The following DLX2 variants were observed in gnomAD, a reference collection of about 807,000 sequenced individuals.
DLX2 encodes the protein distal-less homeobox 2.
DLX2 carries 8 observed loss-of-function variants against 27.4 expected under a neutral mutation model. The observed-to-expected ratio is 0.29, with a 90% CI of 0.17 to 0.53. The LOEUF (loss-of-function observed/expected upper bound fraction) is 0.53, where lower values mean the gene tolerates loss of function less well. Among genes scored for constraint, DLX2 ranks in the 20% least tolerant of loss-of-function variants. The pLI is 0.96. For synonymous variants in DLX2, 210 were observed against 200.8 expected (o/e 1.05, Z -0.39); for missense variants, 421 against 450.9 (o/e 0.93, Z 0.60).
chr2:172,102,599 T>C lies in DLX2; in HGVS notation c.-61A>G. On this transcript the variant is annotated 5_prime_UTR_variant, in exon 1 of 3. Transcript: ENST00000234198. ...CGTGCGGGGGAAGCCAGGCGCCTCC[T>C]CTGTCTCTCCCGGTCCCCTCCAGCA... 1 of 1,439,106 alleles carries C rather than the reference T, an allele frequency of 6.9e-7. No homozygotes were observed. The highest frequency in any genetic ancestry group is 9.2e-7 in the Non-Finnish European group (1 of 1,086,954). 89.1% of individuals were successfully genotyped at this position (1,439,106 alleles called of 1,614,324 possible).
chr2:172,100,692 A>G lies in DLX2; in HGVS notation c.838T>C (p.Tyr280His). Residue 280 changes from tyrosine (Y) to histidine (H), a missense_variant, in exon 3 of 3, where the codon TAC becomes CAC. By Grantham distance (83) the Tyr-to-His change is moderately conservative. This residue lies in a region of DLX2 where 185 missense variants were observed against 171.1 expected (regional missense o/e 1.08). Transcript: ENST00000234198. The surrounding 1 kb of genome is among the most constrained non-coding windows in gnomAD (Gnocchi z 4.5). ...SSAASAFLGN[Y>H]PWYHQTSGSA... ...CCCGAGGTCTGGTGGTACCAGGGGT[A>G]GTTGCCCAGAAAAGCCGAGGCCGCG... 1.3e-6 allele frequency: 2 copies of G among 1,548,772 alleles called. No individual in the cohort carries two copies. The highest frequency in any genetic ancestry group is 8.6e-7 in the Non-Finnish European group (1 of 1,157,918).
rs1375545414 is a variant in DLX2 at position 172,100,072 on chromosome 2, G to C, written c.*471C>G. 1 of 153,142 alleles carries C rather than the reference G, an allele frequency of 6.5e-6. No individual in the cohort carries two copies. Among genetic ancestry groups the C allele is most frequent in the Non-Finnish European group, 1.5e-5 (1 of 68,728 alleles). The allele number at this position is 153,142 out of a possible 1,614,324, so 9.5% of individuals were successfully genotyped here. A position where few individuals can be genotyped will look rare whatever the true frequency, so the allele number is the denominator to read the frequency against. On this transcript the variant is annotated 3_prime_UTR_variant, in exon 3 of 3. Transcript: ENST00000234198. This position sits in a 1 kb window ranked among gnomAD's most constrained non-coding sequence, Gnocchi z 4.5. ...CCGGGTCAAGGGGCCACGTGGGGGA[G>C]GGCGGGCAGGCGGGACCGGGAGGTC... is the stretch of plus-strand genomic sequence containing the variant.
At position 172,102,597 on chromosome 2, in the gene DLX2, CCT is replaced by C; in HGVS notation, c.-61_-60del. 1.4e-6 allele frequency: 2 copies of C among 1,442,402 alleles called. No homozygotes were observed. Among genetic ancestry groups the C allele is most frequent in the Middle Eastern group, 2.6e-4 (1 of 3,902 alleles). The allele number at this position is 1,442,402 out of a possible 1,614,324, so 89.4% of individuals were successfully genotyped here. ...GGCGTGCGGGGGAAGCCAGGCGCCT[CCT>C]CTGTCTCTCCCGGTCCCCTCCAGCA... On this transcript the variant is annotated 5_prime_UTR_variant, in exon 1 of 3. Transcript: ENST00000234198.
In DLX2 at chr2:172,100,758, C is replaced by T; in HGVS notation, c.772G>A (p.Gly258Ser). 1 of 1,569,110 alleles carries T rather than the reference C, an allele frequency of 6.4e-7. No homozygotes were observed. Among genetic ancestry groups the T allele is most frequent in the East Asian group, 2.3e-5 (1 of 42,656 alleles). Residue 258 changes from glycine to serine, a missense_variant, in exon 3 of 3, where the codon GGC becomes AGC. This residue lies in a region of DLX2 where 185 missense variants were observed against 171.1 expected (regional missense o/e 1.08). Transcript: ENST00000234198. The surrounding 1 kb of genome is among the most constrained non-coding windows in gnomAD (Gnocchi z 4.5). The stretch of plus-strand genomic sequence containing the variant: ...CCCGAGCTGCCGGCGCCGCTGCCGC[C>T]ACTGCCCGGACCACCGCCGCCCGCC... ...RMAGGGGPGS[G>S]GSGAGSSGSS...
rs778786016 is a variant in DLX2 at position 172,102,321 on chromosome 2, G to A, written c.218C>T (p.Pro73Leu). 1 of 1,606,726 alleles carries A rather than the reference G, an allele frequency of 6.2e-7. No homozygotes were observed. Among genetic ancestry groups the A allele is most frequent in the East Asian group, 2.2e-5 (1 of 44,582 alleles). The change falls in exon 1 of 3, where the codon CCG becomes CTG. Residue 73 changes from proline (P) to leucine (L), a missense_variant. By Grantham distance (98) the Pro-to-Leu change is moderately conservative. Around this residue, in one of 5 missense-constraint regions of DLX2, gnomAD observed 141 missense variants for 123.5 expected, o/e 1.14. Coordinates refer to ENST00000234198, the MANE Select transcript of DLX2 (RefSeq NM_004405.4). ...DSSYYTNQQH[P>L]AGGGGGGGSP... ...GCCCCCGCCGCCGCCGCCGCCCGCC[G>A]GGTGCTGCTGGTTGGTGTAGTAGCT...
Position 172,099,605 on chromosome 2 carries a change from TG to T in DLX2, c.*937del, listed in dbSNP as rs1691116125. 6.6e-6 allele frequency: 1 copy of T among 152,600 alleles called. No individual in the cohort carries two copies. Among genetic ancestry groups the T allele is most frequent in the South Asian group, 2.1e-4 (1 of 4,830 alleles). The allele number at this position is 152,600 out of a possible 1,614,324, so 9.5% of individuals were successfully genotyped here. On this transcript the variant is annotated 3_prime_UTR_variant, in exon 3 of 3. Transcript: ENST00000234198. ...AATCAGTAGCTTAATTTAACTGAAA[TG>T]TTTTTAAAGGAAAAAATAAAAAGGA...
At position 172,101,660 on chromosome 2, in the gene DLX2, G is replaced by C; in HGVS notation, c.401-14C>G. The C allele has an allele frequency of 6.2e-7, 1 of 1,613,020 alleles. No homozygotes were observed. Among genetic ancestry groups the C allele is most frequent in the Non-Finnish European group, 8.5e-7 (1 of 1,179,626 alleles). On this transcript the variant is annotated splice_polypyrimidine_tract_variant and intron_variant, in intron 1 of 2. Transcript: ENST00000234198. ...GGTCCTCCTTCTCTGCAACGATAAAGAATCGTAAGAACAGCGCAACCCAGG... is the reference window on the plus strand; with the variant it reads ...GGTCCTCCTTCTCTGCAACGATAAACAATCGTAAGAACAGCGCAACCCAGG...
Position 172,101,567 on chromosome 2 carries a change from G to A in DLX2, c.480C>T (p.Ser160=), listed in dbSNP as rs749727614. 6.2e-7 allele frequency: 1 copy of A among 1,614,216 alleles called. No homozygotes were observed. Among genetic ancestry groups the A allele is most frequent in the South Asian group, 1.1e-5 (1 of 91,086 alleles). Residue 160 remains serine, a synonymous_variant, in exon 2 of 3, where the codon TCC becomes TCT. Transcript: ENST00000234198. Reference sequence around the variant, plus strand: ...GCTGAAGAGCCGCCAGCTGGAAACTGGAGTAGATGGTGCGGGGTTTCCGGA... The same window carrying A: ...GCTGAAGAGCCGCCAGCTGGAAACTAGAGTAGATGGTGCGGGGTTTCCGGA... The part of the protein sequence containing the change: ...KKVRKPRTIY[S]SFQLAALQRR...
In DLX2 at chr2:172,101,528, C is replaced by G. The variant is rs2105533315; in HGVS notation, c.519G>C (p.Lys173Asn). The change falls in exon 2 of 3, where the codon AAG becomes AAC. Residue 173 changes from lysine to asparagine, a missense_variant. By Grantham distance (94) the Lys-to-Asn change is moderately conservative. Coordinates refer to ENST00000234198, the MANE Select transcript of DLX2 (RefSeq NM_004405.4). ...QLAALQRRFQ[K>N]TQYLALPERA... ...GCTCCGGCAAGGCCAAGTATTGAGT[C>G]TTTTGGAAACGCCGCTGAAGAGCCG... 2 of 1,613,716 alleles carry G rather than the reference C, an allele frequency of 1.2e-6. No homozygotes were observed. The highest frequency in any genetic ancestry group is 1.7e-6 in the Non-Finnish European group (2 of 1,179,626).
chr2:172,101,388 T>C (rs368739133), intron 2 of DLX2, 74 bp downstream of exon 2: 17 of 1,412,092 alleles, frequency 1.2e-5, no homozygotes, highest in East Asian at 7.5e-5. Context: ...TTAAAAAGCA[T>C]TGTCCTAAAC....
intron 1 of DLX2, 71 bp from the exon 2 acceptor site, chr2:172,101,717 C>T: frequency 6.7e-7 from 1 of 1,489,910 alleles, no homozygotes; most frequent in Admixed American, 1.9e-5. Flanking sequence ...CTAGAGGGCC[C>T]GGCGGGGGGG....
At chr2:172,101,212 T>C in intron 2 of DLX2, 1 of 613,182 alleles carries the variant, frequency 1.6e-6, no homozygotes. Flanking sequence ...GCCAGTTATT[T>C]CACCCGCTTA....
At position 172,100,439 on chromosome 2, in the gene DLX2, G is replaced by C. The variant is rs957822907; in HGVS notation, c.*104C>G. 7.7e-7 allele frequency: 1 copy of C among 1,301,576 alleles called. No individual in the cohort carries two copies. The highest frequency in any genetic ancestry group is 1.6e-5 in the African/African-American group (1 of 63,978). 80.6% of individuals were successfully genotyped at this position (1,301,576 alleles called of 1,614,324 possible). ...CCACTGCAGGTCGCAGCCTGCAGGAGAGGTGGGTGGCGGCAGCGGGCCGGG... is the reference window on the plus strand; with the variant it reads ...CCACTGCAGGTCGCAGCCTGCAGGACAGGTGGGTGGCGGCAGCGGGCCGGG... On this transcript the variant is annotated 3_prime_UTR_variant, in exon 3 of 3. Coordinates refer to ENST00000234198, the MANE Select transcript of DLX2 (RefSeq NM_004405.4). The surrounding 1 kb of genome is among the most constrained non-coding windows in gnomAD (Gnocchi z 4.5).
rs766648905 is a variant in DLX2 at position 172,101,444 on chromosome 2, G to T, written c.585+18C>A. 1 of 1,584,420 alleles carries T rather than the reference G, an allele frequency of 6.3e-7. No individual in the cohort carries two copies. The highest frequency in any genetic ancestry group is 1.8e-5 in the Admixed American group (1 of 54,528). On this transcript the variant is annotated intron_variant, in intron 2 of 2. Coordinates refer to ENST00000234198, the MANE Select transcript of DLX2 (RefSeq NM_004405.4). ...TCAGGCCCGCGCTCTCCTCGCCCCT[G>T]CAGGGCGCGAGCCCCACCTGAGTCT...
chr2:172,102,308 G>T lies in DLX2; in HGVS notation c.231C>A (p.Gly77=). ...YTNQQHPAGG[G]GGGGSPYAHM... ...GCGCGTAGGGCGAGCCCCCGCCGCC[G>T]CCGCCGCCCGCCGGGTGCTGCTGGT... is the stretch of plus-strand genomic sequence containing the variant. The change falls in exon 1 of 3, where the codon GGC becomes GGA. Residue 77 remains glycine (G), a synonymous_variant. Transcript: ENST00000234198. 2.5e-6 allele frequency: 4 copies of T among 1,607,998 alleles called. No homozygotes were observed. The highest frequency in any genetic ancestry group is 3.4e-6 in the Non-Finnish European group (4 of 1,177,432).
rs375981320 is a variant in DLX2, at chr2:172,101,663, T to C, written c.401-17A>G. 5.0e-6 allele frequency: 8 copies of C among 1,612,830 alleles called. No homozygotes were observed. The South Asian group carries it at 5.5e-5, about 11-fold the overall frequency. On this transcript the variant is annotated splice_polypyrimidine_tract_variant and intron_variant, in intron 1 of 2. Coordinates refer to ENST00000234198, the MANE Select transcript of DLX2 (RefSeq NM_004405.4). ...CCTCCTTCTCTGCAACGATAAAGAA[T>C]CGTAAGAACAGCGCAACCCAGGGGT... is the stretch of plus-strand genomic sequence containing the variant.
At chr2:172,101,257 C>G in intron 2 of DLX2, 1 of 646,478 alleles carries the variant, frequency 1.5e-6, no homozygotes, top group South Asian at 2.0e-5. Context: ...TCTGTCCACC[C>G]GGTCCCTTTC....
At chr2:172,101,324 T>C (rs1016007897) in intron 2 of DLX2, 138 bp downstream of exon 2, 2 of 1,059,194 alleles carry the variant, frequency 1.9e-6, no homozygotes, top group South Asian at 3.3e-5. Flanking sequence ...GAAGCTTACT[T>C]AGGGCCGCTC....
At position 172,099,569 on chromosome 2, in the gene DLX2, A is replaced by G. The variant is rs1378812836; in HGVS notation, c.*974T>C. 6.5e-6 allele frequency: 1 copy of G among 152,704 alleles called. No homozygotes were observed. The highest frequency in any genetic ancestry group is 1.5e-5 in the Non-Finnish European group (1 of 68,054). The allele number at this position is 152,704 out of a possible 1,614,324, so 9.5% of individuals were successfully genotyped here. ...ACAACAAAGACTTTAGGATACGATA[A>G]AACAAATCCAAATCAGTAGCTTAAT... On this transcript the variant is annotated 3_prime_UTR_variant, in exon 3 of 3. Transcript: ENST00000234198.
Sources: allele counts gnomAD v4.1 joint callset, GRCh38; gene constraint gnomAD v4.1.1; regional missense constraint gnomAD v4.1.1; non-coding constraint Gnocchi (gnomAD v3.1); transcripts MANE v1.5; gene names NCBI Gene and HGNC (gene_info 2026-07-23, HGNC 2026-07-21).